The following PTPRD variants were observed in gnomAD, a reference collection of about 807,000 sequenced individuals.
PTPRD encodes receptor-type tyrosine-protein phosphatase delta.
A neutral mutation model predicts 214.5 loss-of-function variants in PTPRD; 34 were observed. The observed-to-expected ratio is 0.16, with a 90% CI of 0.12 to 0.21. The LOEUF (loss-of-function observed/expected upper bound fraction) is 0.21, where lower values mean the gene tolerates loss of function less well. Among genes scored for constraint, PTPRD ranks in the 10% least tolerant of loss-of-function variants. PTPRD has a pLI of 1.00. For missense variants in PTPRD, 2,545 were observed against 2,398.7 expected, an observed-to-expected ratio of 1.06 and a Z score of -1.27; for synonymous variants, 1,128 against 845.7, an observed-to-expected ratio of 1.33 and a Z score of -5.79.
intron 8 of PTPRD, among the ~76,000 whole-genome samples, chr9:9,528,115 G>A (rs753056574): frequency 6.6e-6 from 1 of 152,180 alleles, no homozygotes; most frequent in African/African-American, 2.4e-5. Context: ...GAGAGTGAAG[G>A]AAACTAGATT....
chr9:10,379,695 T>A (rs1259101947), intron 2 of PTPRD, among the ~76,000 whole-genome samples: 2 of 152,046 alleles, frequency 1.3e-5, no homozygotes, highest in Non-Finnish European at 2.9e-5. Context: ...AGTAAAAATT[T>A]CTGCATTAGT....
At chr9:9,928,043 A>G (rs2084965904) in intron 5 of PTPRD, among the ~76,000 whole-genome samples, 1 of 152,154 alleles carries the variant, frequency 6.6e-6, no homozygotes, top group Non-Finnish European at 1.5e-5. Flanking sequence ...CTTCATGTGA[A>G]CAACGTTTCA....
At chr9:10,197,305 G>A (rs2099402080) in intron 3 of PTPRD, among the ~76,000 whole-genome samples, 1 of 151,996 alleles carries the variant, frequency 6.6e-6, no homozygotes, top group South Asian at 2.1e-4. Context: ...GAGAAAACTG[G>A]GTAGGAATTA....
chr9:9,947,533 T>TAAAA (rs1566622386), intron 4 of PTPRD, among the ~76,000 whole-genome samples: 3 of 17,536 alleles, frequency 1.7e-4, no homozygotes, highest in African/African-American at 1.3e-3. Flanking sequence ...TATATATATT[T>TAAAA]TATATATAAT....
chr9:10,233,467 A>G (rs2099618834), intron 3 of PTPRD, among the ~76,000 whole-genome samples: 1 of 152,028 alleles, frequency 6.6e-6, no homozygotes, highest in African/African-American at 2.4e-5. Flanking sequence ...TCAAAGTCCA[A>G]CAGCTTGAGA....
At chr9:9,597,511 G>T (rs2154334709) in intron 7 of PTPRD, among the ~76,000 whole-genome samples, 1 of 152,130 alleles carries the variant, frequency 6.6e-6, no homozygotes, top group East Asian at 1.9e-4. Context: ...TGTTCAACAT[G>T]ATTATTATAA....
intron 7 of PTPRD, among the ~76,000 whole-genome samples, chr9:9,687,105 T>C (rs1314059252): frequency 6.6e-6 from 1 of 151,636 alleles, no homozygotes; most frequent in Non-Finnish European, 1.5e-5. Context: ...ATTAACTCAG[T>C]AGAAGGTGAG....
At chr9:9,146,741 A>T (rs548540706) in intron 10 of PTPRD, among the ~76,000 whole-genome samples, 103 of 152,320 alleles carry the variant, frequency 6.8e-4, no homozygotes, top group African/African-American at 2.1e-3. Flanking sequence ...ACTGTCATTT[A>T]TAAGGGATCA....
At chr9:9,803,263 A>AC (rs1459058489) in intron 5 of PTPRD, among the ~76,000 whole-genome samples, 1 of 151,786 alleles carries the variant, frequency 6.6e-6, no homozygotes, top group African/African-American at 2.4e-5. Flanking sequence ...GAAAAAAAAA[A>AC]AAAGCAAGTC....
At chr9:9,662,200 T>G (rs2096634670) in intron 7 of PTPRD, among the ~76,000 whole-genome samples, 1 of 151,648 alleles carries the variant, frequency 6.6e-6, no homozygotes, top group South Asian at 2.1e-4. Flanking sequence ...AGTTCCAGTA[T>G]TTACCTACAG....
intron 2 of PTPRD, among the ~76,000 whole-genome samples, chr9:10,405,814 G>A (rs928886986): frequency 4.0e-5 from 6 of 151,404 alleles, no homozygotes; most frequent in African/African-American, 7.2e-5. Flanking sequence ...AAGGGAAGAC[G>A]ATAGGCATCA....
At chr9:9,694,111 A>G (rs1428517831) in intron 7 of PTPRD, among the ~76,000 whole-genome samples, 1 of 152,178 alleles carries the variant, frequency 6.6e-6, no homozygotes. Context: ...TGCCTTATTC[A>G]GTTCATCTGG....
chr9:8,892,605 G>A (rs7048182), intron 11 of PTPRD, among the ~76,000 whole-genome samples: 1 of 147,892 alleles, frequency 6.8e-6, no homozygotes, highest in Non-Finnish European at 1.5e-5. Context: ...GTATATATAT[G>A]TGTGTATATA....
chr9:8,504,186 T>C lies in PTPRD; in HGVS notation c.1822+75A>G, dbSNP rs944870290. 9 of 1,472,858 alleles carry C rather than the reference T, an allele frequency of 6.1e-6. No individual in the cohort carries two copies. The East Asian group carries it at 6.8e-5, about 11-fold the overall frequency. The allele number at this position is 1,472,858 out of a possible 1,614,324, so 91.2% of individuals were successfully genotyped here. A position where few individuals can be genotyped will look rare whatever the true frequency, so the allele number is the denominator to read the frequency against. The stretch of plus-strand genomic sequence containing the variant: ...TTAAGCATATTAGCAGGTTTGCTTA[T>C]TGGTGAAGGTGAAAGCTAGCAACAT... On this transcript the variant is annotated intron_variant, in intron 23 of 45. Coordinates refer to ENST00000381196, the MANE Select transcript of PTPRD (RefSeq NM_002839.4).
At chr9:9,326,231 T>C (rs537368500) in intron 9 of PTPRD, among the ~76,000 whole-genome samples, 1 of 152,194 alleles carries the variant, frequency 6.6e-6, no homozygotes, top group African/African-American at 2.4e-5. Context: ...CTTTGGATAC[T>C]GTGATCTTTC....
intron 2 of PTPRD, among the ~76,000 whole-genome samples, chr9:10,524,959 G>C (rs972223566): frequency 1.3e-4 from 19 of 150,978 alleles, no homozygotes; most frequent in African/African-American, 4.6e-4. Context: ...ATATATTCTT[G>C]GTGGGCTCAT....
intron 5 of PTPRD, among the ~76,000 whole-genome samples, chr9:9,847,767 T>G (rs1007769006): frequency 6.6e-6 from 1 of 152,054 alleles, no homozygotes; most frequent in African/African-American, 2.4e-5. Flanking sequence ...TGAAGTTATT[T>G]CGGAGCATTA....
At chr9:9,288,837 G>A (rs1336923827) in intron 9 of PTPRD, among the ~76,000 whole-genome samples, 4 of 151,750 alleles carry the variant, frequency 2.6e-5, no homozygotes, top group Non-Finnish European at 5.9e-5. Flanking sequence ...CATGATAGTA[G>A]GCGAGTTCTC....
chr9:8,681,671 C>T (rs891759973), intron 12 of PTPRD, among the ~76,000 whole-genome samples: 8 of 152,126 alleles, frequency 5.3e-5, no homozygotes, highest in African/African-American at 9.7e-5. Context: ...GATGTGCATG[C>T]GTCATATAGA....
Sources: allele counts gnomAD v4.1 joint callset (sites outside exome capture counted in the v4.1 genomes callset), GRCh38; gene constraint gnomAD v4.1.1; transcripts MANE v1.5; gene names NCBI Gene and HGNC (gene_info 2026-07-23, HGNC 2026-07-21).